The following ABL2 variants were observed in gnomAD, a reference collection of about 807,000 sequenced individuals.
The protein encoded by ABL2 is ABL proto-oncogene 2, non-receptor tyrosine kinase, also known as tyrosine-protein kinase ABL2.
In ABL2, 49 loss-of-function variants were observed where a neutral mutation model predicts 107.7. That is an observed-to-expected ratio of 0.45 (90% confidence interval 0.36 to 0.58). The LOEUF is 0.58. Among genes scored for constraint, ABL2 ranks in the 20% least tolerant of loss-of-function variants. The probability of loss-of-function intolerance (pLI) is 0.00; values close to 1 mark genes in which losing one functional copy is unlikely to be tolerated. For synonymous variants in ABL2, 549 were observed against 548.6 expected (o/e 1.00, Z -0.01); for missense variants, 1,245 against 1,457.0 (o/e 0.85, Z 2.37).
chr1:179,228,656 CA>C (rs1663366836), intron 1 of ABL2, among the ~76,000 whole-genome samples: 1 of 152,034 alleles, frequency 6.6e-6, no homozygotes, highest in African/African-American at 2.4e-5. Flanking sequence ...AAACGAAATA[CA>C]AAACAAAATA....
chr1:179,145,240 TACA>T (rs1442648095), intron 1 of ABL2, among the ~76,000 whole-genome samples: 2 of 152,192 alleles, frequency 1.3e-5, no homozygotes, highest in African/African-American at 4.8e-5. Flanking sequence ...TGGATGGCTA[TACA>T]ACATTATGAA....
intron 3 of ABL2, among the ~76,000 whole-genome samples, chr1:179,130,429 A>G (rs1417465386): frequency 1.3e-5 from 2 of 152,230 alleles, no homozygotes; most frequent in African/African-American, 4.8e-5. Context: ...TACTTAGTTC[A>G]GCTAATAGTT....
intron 1 of ABL2, among the ~76,000 whole-genome samples, chr1:179,174,435 T>G (rs1359676576): frequency 6.6e-6 from 1 of 150,866 alleles, no homozygotes; most frequent in Non-Finnish European, 1.5e-5. Context: ...ATGGAGAAAC[T>G]CCATCTCTAC....
At chr1:179,188,770 G>A (rs1375405000) in intron 1 of ABL2, among the ~76,000 whole-genome samples, 1 of 152,098 alleles carries the variant, frequency 6.6e-6, no homozygotes, top group Non-Finnish European at 1.5e-5. Flanking sequence ...CTGTTGAGTA[G>A]ATGAAAATCT....
chr1:179,204,971 A>G (rs1012282870), intron 1 of ABL2, among the ~76,000 whole-genome samples: 1 of 152,040 alleles, frequency 6.6e-6, no homozygotes, highest in African/African-American at 2.4e-5. Context: ...TGCATGTAAC[A>G]TAATGGGTGA....
At chr1:179,147,885 G>C (rs1289136167) in intron 1 of ABL2, among the ~76,000 whole-genome samples, 1 of 152,140 alleles carries the variant, frequency 6.6e-6, no homozygotes, top group African/African-American at 2.4e-5. Flanking sequence ...GCTTTTGCAA[G>C]ATTAACTCTC....
chr1:179,174,920 AAAT>A (rs374695562), intron 1 of ABL2, among the ~76,000 whole-genome samples: 38 of 122,868 alleles, frequency 3.1e-4, no homozygotes, highest in South Asian at 5.0e-4. Flanking sequence ...AAAATAAAAA[AAAT>A]AATAATAATA....
At position 179,101,377 on chromosome 1, in the gene ABL2, C is replaced by CTTTTTTTTTT. The variant is rs71108091; in HGVS notation, c.*6331_*6340dup. On this transcript the variant is annotated 3_prime_UTR_variant, in exon 12 of 12. Transcript: ENST00000502732. Reference sequence around the variant, plus strand: ...ATATTGAGTCAGAAATGAAGGTATCCTTTTTTTTTTTTTTCTTCTTAACGT... The same window carrying CTTTTTTTTTT: ...ATATTGAGTCAGAAATGAAGGTATCCTTTTTTTTTTTTTTTTTTTTTTTTCTTCTTAACGT... 2 of 166,922 alleles carry CTTTTTTTTTT rather than the reference C, an allele frequency of 1.2e-5. No individual in the cohort carries two copies. Among genetic ancestry groups the CTTTTTTTTTT allele is most frequent in the African/African-American group, 2.5e-5 (1 of 39,382 alleles). The allele number at this position is 166,922 out of a possible 1,614,324, so 10.3% of individuals were successfully genotyped here. A position where few individuals can be genotyped will look rare whatever the true frequency, so the allele number is the denominator to read the frequency against.
rs750536789 is a variant in ABL2, at chr1:179,108,962, T to C, written c.2305A>G (p.Thr769Ala). Residue 769 changes from threonine (T) to alanine (A), a missense_variant, in exon 12 of 12, where the codon ACA (threonine) becomes GCA (alanine). Physicochemically the swap from Thr to Ala is moderately conservative, Grantham distance 58 (BLOSUM62 0). Coordinates refer to ENST00000502732, the MANE Select transcript of ABL2 (RefSeq NM_007314.4). ...KTLGLRAGKPTASDDTSKPFP... is the reference protein window; with the variant it reads ...KTLGLRAGKPAASDDTSKPFP... ...GGCTTGGAAGTGTCATCACTGGCTG[T>C]GGGTTTACCTGCTCGTAAGCCCAGT... 12 of 1,614,176 alleles carry C rather than the reference T, an allele frequency of 7.4e-6. No homozygotes were observed. Among genetic ancestry groups the C allele is most frequent in the Non-Finnish European group, 1.0e-5 (12 of 1,180,040 alleles).
chr1:179,130,994 G>A (rs1656265702), intron 3 of ABL2, among the ~76,000 whole-genome samples: 1 of 150,452 alleles, frequency 6.6e-6, no homozygotes, highest in African/African-American at 2.4e-5. Context: ...AGGCTGGAGT[G>A]CAGTGGTGTG....
rs1349636590 is a variant in ABL2 at position 179,104,234 on chromosome 1, C to G, written c.*3484G>C. ...CCCTGAGGTAGTTACTATTATTATCCCTGTTTTACAGTGAGGAAACTGAGG... is the reference window on the plus strand; with the variant it reads ...CCCTGAGGTAGTTACTATTATTATCGCTGTTTTACAGTGAGGAAACTGAGG... On this transcript the variant is annotated 3_prime_UTR_variant, in exon 12 of 12. Coordinates refer to ENST00000502732, the MANE Select transcript of ABL2 (RefSeq NM_007314.4). 8.7e-6 allele frequency: 2 copies of G among 229,494 alleles called. No homozygotes were observed. The highest frequency in any genetic ancestry group is 1.7e-5 in the Non-Finnish European group (2 of 115,870). The allele number at this position is 229,494 out of a possible 1,614,324, so 14.2% of individuals were successfully genotyped here.
At chr1:179,161,927 C>T in intron 1 of ABL2, among the ~76,000 whole-genome samples, 1 of 152,082 alleles carries the variant, frequency 6.6e-6, no homozygotes, top group Non-Finnish European at 1.5e-5. Flanking sequence ...GAGTTCAACC[C>T]CTCGTGCTCT....
intron 1 of ABL2, among the ~76,000 whole-genome samples, chr1:179,173,540 G>A (rs1054882785): frequency 6.8e-6 from 1 of 146,388 alleles, no homozygotes; most frequent in African/African-American, 2.6e-5. Context: ...TTGGTAGAGA[G>A]GGGGTTTCAC....
At chr1:179,228,825 A>G (rs1376226781) in intron 1 of ABL2, among the ~76,000 whole-genome samples, 1 of 152,054 alleles carries the variant, frequency 6.6e-6, no homozygotes, top group East Asian at 1.9e-4. Context: ...TTCAGTTCCC[A>G]TTTCCCAATC....
Position 179,200,541 on chromosome 1 carries a change from T to C in ABL2, c.157+28700A>G, listed in dbSNP as rs150489378. Among the ~76,000 whole-genome samples, 327 of 152,284 alleles carry C rather than the reference T, an allele frequency of 2.1e-3. 3 individuals carry two copies. Among genetic ancestry groups the C allele is most frequent in the African/African-American group, 7.5e-3 (313 of 41,568 alleles). ...TTTCTCTCCTTCAGATCCCAAACTT[T>C]TAGTTTCGCATATTCTATCTCCCAC... On this transcript the variant is annotated intron_variant, in intron 1 of 11. Transcript: ENST00000502732.
rs756656457 is a variant in ABL2, at chr1:179,112,369, A to C, written c.1591T>G (p.Ser531Ala). The change falls in exon 10 of 12, where the codon TCT becomes GCT. Residue 531 changes from serine (S) to alanine (A), a missense_variant. Physicochemically the swap from Ser to Ala is moderately conservative, Grantham distance 99. Transcript: ENST00000502732. ...CWKWSPADRP[S>A]FAETHQAFET... ...AAAGCTTGGTGTGTTTCAGCAAAAG[A>C]GGGCCTATCGGCAGGGCTCCACTTC... is the stretch of plus-strand genomic sequence containing the variant. The C allele has an allele frequency of 6.2e-7, 1 of 1,613,922 alleles. No homozygotes were observed. Among genetic ancestry groups the C allele is most frequent in the Non-Finnish European group, 8.5e-7 (1 of 1,179,836 alleles).
intron 1 of ABL2, among the ~76,000 whole-genome samples, chr1:179,154,474 T>C (rs1227078012): frequency 6.6e-6 from 1 of 152,248 alleles, no homozygotes; most frequent in Non-Finnish European, 1.5e-5. Flanking sequence ...CCACATATTG[T>C]GTCTACTGTG....
chr1:179,220,614 A>G (rs1662818631), intron 1 of ABL2, among the ~76,000 whole-genome samples: 1 of 152,242 alleles, frequency 6.6e-6, no homozygotes, highest in Non-Finnish European at 1.5e-5. Context: ...GGAATACAGA[A>G]AACAAACTTC....
chr1:179,112,161 ACT>A lies in ABL2; in HGVS notation c.1651+146_1651+147del. On this transcript the variant is annotated intron_variant, in intron 10 of 11. Transcript: ENST00000502732. ...ATAATTTCTCACTATTATAAACTAT[ACT>A]CTGATGCAATGTCCTTGTAGTTAAA... The A allele has an allele frequency of 4.9e-6, 3 of 613,952 alleles. 1 individual carries two copies. In the South Asian group the frequency reaches 6.2e-5, roughly 13 times the overall value. The allele number at this position is 613,952 out of a possible 1,614,324, so 38.0% of individuals were successfully genotyped here.
Sources: allele counts gnomAD v4.1 joint callset (sites outside exome capture counted in the v4.1 genomes callset), GRCh38; gene constraint gnomAD v4.1.1; transcripts MANE v1.5; gene names NCBI Gene and HGNC (gene_info 2026-07-23, HGNC 2026-07-21).